DLG2: variants seen among roughly 807,000 people sequenced by gnomAD.
The protein encoded by DLG2 is discs large MAGUK scaffold protein 2.
DLG2 carries 45 observed loss-of-function variants against 132.5 expected under a neutral mutation model. That is an observed-to-expected ratio of 0.34 (90% confidence interval 0.27 to 0.44). DLG2 has a LOEUF of 0.44. DLG2 is among the 20% of genes least tolerant of loss of function. DLG2 has a pLI of 1.00. For missense variants in DLG2, 1,045 were observed against 1,196.9 expected (o/e 0.87, Z 1.87); for synonymous variants, 424 against 419.6 (o/e 1.01, Z -0.13).
At position 85,191,419 on chromosome 11, in the gene DLG2, C is replaced by T. The variant is rs1377669357; in HGVS notation, c.187-36768G>A. Among the ~76,000 whole-genome samples, 4 of 152,026 alleles carry T rather than the reference C, an allele frequency of 2.6e-5. No individual in the cohort carries two copies. The South Asian group carries it at 8.3e-4, about 32-fold the overall frequency. ...AACACACACACACACGTTGTTCCCC[C>T]ACTTCATCCTCCACCAGGTTCCACT... On this transcript the variant is annotated intron_variant, in intron 4 of 27. Transcript: ENST00000376104.
At chr11:84,677,998 C>T (rs2099718517) in intron 6 of DLG2, among the ~76,000 whole-genome samples, 1 of 152,004 alleles carries the variant, frequency 6.6e-6, no homozygotes, top group South Asian at 2.1e-4. Flanking sequence ...TGAAGGAAGT[C>T]CAAGTCTGCA....
rs528718900 is a variant in DLG2 at position 83,486,290 on chromosome 11, G to T, written c.2194-2062C>A. The T allele has an allele frequency of 5.9e-5, 40 of 680,990 alleles. 1 individual carries two copies. The highest frequency in any genetic ancestry group is 9.8e-5 in the Non-Finnish European group (37 of 377,000). The allele number at this position is 680,990 out of a possible 1,614,324, so 42.2% of individuals were successfully genotyped here. On this transcript the variant is annotated intron_variant, in intron 21 of 27. Coordinates refer to ENST00000376104, the MANE Select transcript of DLG2 (RefSeq NM_001142699.3). ...AAAAAAAATCATGTAAGAATTAATG[G>T]CATGTGATACTGCAAGGTATGTTAG...
intron 19 of DLG2, among the ~76,000 whole-genome samples, chr11:83,585,379 C>A (rs7108984): frequency 0.043 from 6,503 of 152,154 alleles, 470 homozygotes; most frequent in African/African-American, 0.15. Context: ...ACTTTTGGCC[C>A]GTTTATAAAG....
At chr11:85,528,032 TTTG>T (rs2074912468) in intron 3 of DLG2, among the ~76,000 whole-genome samples, 1 of 151,182 alleles carries the variant, frequency 6.6e-6, no homozygotes, top group African/African-American at 2.5e-5. Flanking sequence ...GATGGGATTG[TTTG>T]TTTTTTTCTT....
At chr11:83,924,899 T>C (rs12421946) in intron 15 of DLG2, among the ~76,000 whole-genome samples, 11,965 of 152,118 alleles carry the variant, frequency 0.079, 668 homozygotes, top group Non-Finnish European at 0.12. Flanking sequence ...TGTGCATTTT[T>C]CATAGATAAT....
chr11:84,450,586 G>A (rs575022589), intron 7 of DLG2, among the ~76,000 whole-genome samples: 1 of 151,604 alleles, frequency 6.6e-6, no homozygotes, highest in Non-Finnish European at 1.5e-5. Context: ...GAATGATGAA[G>A]GTGGTAGAAA....
intron 4 of DLG2, among the ~76,000 whole-genome samples, chr11:85,259,050 A>T (rs996142077): frequency 2.0e-5 from 3 of 152,150 alleles, no homozygotes; most frequent in Admixed American, 6.5e-5. Flanking sequence ...CTTTAAGACT[A>T]ATTCCCTTAC....
intron 4 of DLG2, among the ~76,000 whole-genome samples, chr11:85,225,386 G>C (rs143359507): frequency 6.6e-6 from 1 of 152,166 alleles, no homozygotes; most frequent in East Asian, 1.9e-4. Context: ...CAAGAAAATA[G>C]AGGTCATAAA....
At chr11:84,287,924 C>T (rs547444579) in intron 7 of DLG2, among the ~76,000 whole-genome samples, 144 of 151,590 alleles carry the variant, frequency 9.5e-4, no homozygotes, top group Middle Eastern at 3.4e-3. Context: ...AAAGGTCATG[C>T]ATTAAATGAA....
At chr11:85,318,411 T>C (rs961695998) in intron 3 of DLG2, among the ~76,000 whole-genome samples, 5 of 151,866 alleles carry the variant, frequency 3.3e-5, no homozygotes, top group Admixed American at 3.3e-4. Context: ...AGACTCATGA[T>C]ATAAATAGTT....
At chr11:83,813,890 G>A (rs921312131) in intron 17 of DLG2, among the ~76,000 whole-genome samples, 4 of 152,040 alleles carry the variant, frequency 2.6e-5, no homozygotes, top group African/African-American at 9.7e-5. Context: ...AGCCCTATAC[G>A]TAGACACAGT....
chr11:84,373,238 T>C (rs1318598417), intron 7 of DLG2, among the ~76,000 whole-genome samples: 4 of 12,556 alleles, frequency 3.2e-4, no homozygotes, highest in Non-Finnish European at 6.1e-4. Context: ...TTTTTCCAAT[T>C]AAGAAACAGT....
At chr11:85,055,559 C>CA (rs1259005049) in intron 6 of DLG2, among the ~76,000 whole-genome samples, 2 of 152,100 alleles carry the variant, frequency 1.3e-5, no homozygotes, top group African/African-American at 4.8e-5. Flanking sequence ...ACTGGGGAAA[C>CA]AAAAATTAGG....
intron 7 of DLG2, among the ~76,000 whole-genome samples, chr11:84,362,412 G>C (rs2098654822): frequency 6.6e-6 from 1 of 151,840 alleles, no homozygotes; most frequent in African/African-American, 2.4e-5. Context: ...TTTTAATTCA[G>C]AAGACTTCAC....
intron 8 of DLG2, among the ~76,000 whole-genome samples, chr11:84,217,919 G>A (rs2096857442): frequency 6.6e-6 from 1 of 152,146 alleles, no homozygotes; most frequent in Non-Finnish European, 1.5e-5. Flanking sequence ...TGTAATCCCA[G>A]CACTTTAGGA....
At chr11:85,322,906 T>C (rs780577056) in intron 3 of DLG2, among the ~76,000 whole-genome samples, 35 of 152,238 alleles carry the variant, frequency 2.3e-4, no homozygotes, top group Non-Finnish European at 4.3e-4. Flanking sequence ...CAAGAGCCTA[T>C]GATTCCTGTT....
chr11:84,069,718 A>C (rs959408157), intron 10 of DLG2, among the ~76,000 whole-genome samples: 2 of 152,180 alleles, frequency 1.3e-5, no homozygotes, highest in Admixed American at 1.3e-4. Flanking sequence ...GGGAAGCATC[A>C]CAGCTTTCCA....
chr11:84,688,782 G>C (rs573500630), intron 6 of DLG2, among the ~76,000 whole-genome samples: 2 of 152,288 alleles, frequency 1.3e-5, no homozygotes, highest in African/African-American at 2.4e-5. Context: ...TCCACTGTCT[G>C]TGTCTGTACA....
At chr11:84,908,678 C>T (rs950222172) in intron 6 of DLG2, among the ~76,000 whole-genome samples, 2 of 151,646 alleles carry the variant, frequency 1.3e-5, no homozygotes, top group African/African-American at 2.4e-5. Flanking sequence ...AAGGGTGGGA[C>T]ATCACTGAGA....
Sources: gnomAD v4.1 joint callset for allele counts (sites outside exome capture counted in the v4.1 genomes callset) on GRCh38, gnomAD v4.1.1 for gene constraint, MANE v1.5 for transcripts, NCBI Gene and HGNC (gene_info 2026-07-23, HGNC 2026-07-21) for gene names.